Variants in PCDHAC1 observed in about 807,000 individuals in gnomAD.
PCDHAC1 encodes the protein protocadherin alpha-C1.
In PCDHAC1, 42 loss-of-function variants were observed where a neutral mutation model predicts 60.0. The ratio of observed to expected loss-of-function variants is 0.70; its 90% confidence interval spans 0.55 to 0.90. PCDHAC1 has a LOEUF of 0.90. Among genes scored for constraint, PCDHAC1 ranks in the 40% least tolerant of loss-of-function variants. The pLI is 0.00. For synonymous variants in PCDHAC1, 468 were observed against 499.3 expected (o/e 0.94, Z 0.84); for missense variants, 1,160 against 1,222.3 (o/e 0.95, Z 0.76).
intron 1 of PCDHAC1, among the ~76,000 whole-genome samples, chr5:140,965,923 G>T (rs1418904178): frequency 1.3e-5 from 2 of 152,232 alleles, no homozygotes; most frequent in African/African-American, 4.8e-5. Context: ...TTTTAGGCTT[G>T]CTCCCGGAAA....
At chr5:140,965,195 T>C (rs1368041910) in intron 1 of PCDHAC1, among the ~76,000 whole-genome samples, 3 of 152,198 alleles carry the variant, frequency 2.0e-5, no homozygotes, top group Admixed American at 6.5e-5. Context: ...CATGAGGCAA[T>C]AGATTTCAAA....
Position 140,927,144 on chromosome 5 carries a change from A to T in PCDHAC1, c.252A>T (p.Glu84Asp), listed in dbSNP as rs116743674. 1.1e-5 allele frequency: 18 copies of T among 1,614,102 alleles called. No individual in the cohort carries two copies. The South Asian group carries it at 1.9e-4, about 17-fold the overall frequency. The change falls in exon 1 of 4, where the codon GAA becomes GAT. Residue 84 changes from glutamate (E) to aspartate (D), a missense_variant. Physicochemically the swap from Glu to Asp is conservative, Grantham distance 45. Transcript: ENST00000253807. ...NLVVREPADR[E>D]QLCRAKAACV... is the part of the protein sequence containing the mutation. Reference sequence around the variant, plus strand: ...TGGTCAGAGAGCCGGCGGACCGCGAACAGCTGTGCAGGGCCAAAGCTGCCT... The same window carrying T: ...TGGTCAGAGAGCCGGCGGACCGCGATCAGCTGTGCAGGGCCAAAGCTGCCT...
chr5:140,969,823 T>C (rs782195981), intron 1 of PCDHAC1, among the ~76,000 whole-genome samples: 3 of 152,248 alleles, frequency 2.0e-5, no homozygotes, highest in Non-Finnish European at 4.4e-5. Context: ...CTCTGGACTG[T>C]CTACAGTGGA....
intron 1 of PCDHAC1, among the ~76,000 whole-genome samples, chr5:140,973,323 A>G (rs1331752602): frequency 1.3e-5 from 2 of 152,160 alleles, no homozygotes; most frequent in African/African-American, 4.8e-5. Flanking sequence ...AACAGAGTTT[A>G]CACTCGTTGT....
chr5:140,929,259 G>A lies in PCDHAC1; in HGVS notation c.2367G>A (p.Leu789=), dbSNP rs782558603. The change falls in exon 1 of 4, where the codon CTG becomes CTA. Residue 789 remains leucine (L), a synonymous_variant. Transcript: ENST00000253807. Reference sequence around the variant, plus strand: ...GAAATCTTGCCACTGGGGTAGGACTGAATTTGCCAATATCCTGTATTCAGA... The same window carrying A: ...GAAATCTTGCCACTGGGGTAGGACTAAATTTGCCAATATCCTGTATTCAGA... ...DLRNLATGVG[L]NLPISCIQIR... The A allele has an allele frequency of 4.7e-5, 76 of 1,612,754 alleles. No individual in the cohort carries two copies. The highest frequency in any genetic ancestry group is 6.2e-5 in the Non-Finnish European group (73 of 1,179,128).
At chr5:140,994,163 G>A (rs2097601451) in intron 3 of PCDHAC1, among the ~76,000 whole-genome samples, 1 of 152,200 alleles carries the variant, frequency 6.6e-6, no homozygotes, top group African/African-American at 2.4e-5. Flanking sequence ...CAACGAAGGG[G>A]AAGGAAGCTG....
intron 1 of PCDHAC1, among the ~76,000 whole-genome samples, chr5:140,940,208 A>T (rs1193106137): frequency 6.6e-6 from 1 of 152,164 alleles, no homozygotes; most frequent in Non-Finnish European, 1.5e-5. Flanking sequence ...AAAATTCAAG[A>T]TTGGCATTTA....
chr5:140,972,218 C>A (rs367920234), intron 1 of PCDHAC1, among the ~76,000 whole-genome samples: 129 of 152,040 alleles, frequency 8.5e-4, no homozygotes, highest in Middle Eastern at 3.4e-3. Flanking sequence ...TGGCTCACTG[C>A]AGCCTCGACC....
At chr5:140,985,227 G>A (rs557750656) in intron 3 of PCDHAC1, among the ~76,000 whole-genome samples, 5 of 152,206 alleles carry the variant, frequency 3.3e-5, no homozygotes, top group Non-Finnish European at 2.9e-5. Flanking sequence ...GTGAGCCACC[G>A]CGCCTGGCCT....
intron 2 of PCDHAC1, 158 bp downstream of exon 2, chr5:140,979,165 A>G (rs1586797430): frequency 1.0e-6 from 1 of 970,900 alleles, no homozygotes; most frequent in South Asian, 4.8e-5. Flanking sequence ...TTATTCCTTG[A>G]AAGATCGCAA....
chr5:140,985,283 A>G (rs955144760), intron 3 of PCDHAC1, among the ~76,000 whole-genome samples: 6 of 152,020 alleles, frequency 3.9e-5, no homozygotes, highest in Admixed American at 1.3e-4. Context: ...TCTGCAATCT[A>G]TGATATAGTG....
At position 140,987,445 on chromosome 5, in the gene PCDHAC1, G is replaced by A. The variant is rs141923390; in HGVS notation, c.2581+4882G>A. Among the ~76,000 whole-genome samples, 799 of 152,220 alleles carry A rather than the reference G, an allele frequency of 5.2e-3. 4 individuals carry two copies. The highest frequency in any genetic ancestry group is 0.018 in the African/African-American group (765 of 41,528). On this transcript the variant is annotated intron_variant, in intron 3 of 3. Transcript: ENST00000253807. ...AAGCAGGGGGCCTTTCCCCATGCCC[G>A]AGAGATAATTGTTAAGAGCTCAAGC...
chr5:140,930,494 A>T (rs1238249815), intron 1 of PCDHAC1: 3 of 152,500 alleles, frequency 2.0e-5, no homozygotes, highest in Admixed American at 6.6e-5. Flanking sequence ...AAGTGCTGGG[A>T]TTACAGGCAT....
At chr5:141,007,716 G>A (rs887681362) in intron 3 of PCDHAC1, among the ~76,000 whole-genome samples, 4 of 152,246 alleles carry the variant, frequency 2.6e-5, no homozygotes, top group African/African-American at 4.8e-5. Context: ...CCCACCACCA[G>A]GGAGAACAAA....
intron 3 of PCDHAC1, among the ~76,000 whole-genome samples, chr5:141,002,672 C>A (rs1301536253): frequency 6.6e-6 from 1 of 152,292 alleles, no homozygotes; most frequent in African/African-American, 2.4e-5. Context: ...AGGACCAAAA[C>A]CTATACGACG....
At chr5:140,978,818 C>T in intron 1 of PCDHAC1, 131 bp from the exon 2 acceptor site, 4 of 1,512,636 alleles carry the variant, frequency 2.6e-6, no homozygotes, top group Non-Finnish European at 3.5e-6. Flanking sequence ...TAGAGTTACA[C>T]ATGAAATGGC....
chr5:140,981,969 T>C (rs1438723039), intron 2 of PCDHAC1, among the ~76,000 whole-genome samples: 1 of 152,146 alleles, frequency 6.6e-6, no homozygotes, highest in African/African-American at 2.4e-5. Context: ...ATAAAAGATA[T>C]AGAAAGAGTA....
At chr5:140,955,623 T>C (rs2095210763) in intron 1 of PCDHAC1, among the ~76,000 whole-genome samples, 1 of 152,208 alleles carries the variant, frequency 6.6e-6, no homozygotes, top group Non-Finnish European at 1.5e-5. Context: ...GGCAGTTCTT[T>C]ATAGCAGTGT....
intron 3 of PCDHAC1, among the ~76,000 whole-genome samples, chr5:140,992,192 C>T (rs2097497943): frequency 6.6e-6 from 1 of 152,124 alleles, no homozygotes; most frequent in Admixed American, 6.5e-5. Flanking sequence ...TTTCAGTGAT[C>T]TATCCAATCA....
Sources: allele counts gnomAD v4.1 joint callset (sites outside exome capture counted in the v4.1 genomes callset), GRCh38; gene constraint gnomAD v4.1.1; transcripts MANE v1.5; gene names NCBI Gene and HGNC (gene_info 2026-07-23, HGNC 2026-07-21).